Variants in FZD3 observed in about 807,000 individuals in gnomAD.
FZD3 encodes frizzled-3.
In FZD3, 30 loss-of-function variants were observed where a neutral mutation model predicts 60.7. That is an observed-to-expected ratio of 0.49 (90% confidence interval 0.37 to 0.67). The LOEUF (loss-of-function observed/expected upper bound fraction) is 0.67, where lower values mean the gene tolerates loss of function less well. Among genes scored for constraint, FZD3 ranks in the 30% least tolerant of loss-of-function variants. The pLI, the probability that FZD3 is intolerant of heterozygous loss-of-function variation, is 0.00. For synonymous variants in FZD3, 246 were observed against 275.2 expected (o/e 0.89, Z 1.05); for missense variants, 605 against 838.7 (o/e 0.72, Z 3.44).
rs751028612 is a variant in FZD3 at position 28,520,831 on chromosome 8, G to T, written c.383G>T (p.Ser128Ile). The change falls in exon 4 of 8, where the codon AGT (serine) becomes ATT (isoleucine). Residue 128 changes from serine to isoleucine, a missense_variant. Physicochemically the swap from Ser to Ile is moderately radical, Grantham distance 142 (BLOSUM62 -2). Transcript: ENST00000240093. ...CCTTGGCCTGAAGATATGGAATGCA[G>T]TAGGTGCGAAAATCATAGATTTTCA... ...GVPWPEDMEC[S>I]RFPDCDEPYP... 1 of 1,573,656 alleles carries T rather than the reference G, an allele frequency of 6.4e-7. No individual in the cohort carries two copies. The highest frequency in any genetic ancestry group is 8.7e-7 in the Non-Finnish European group (1 of 1,155,136).
chr8:28,503,297 A>C, intron 3 of FZD3, 95 bp downstream of exon 3: 1 of 629,378 alleles, frequency 1.6e-6, no homozygotes, highest in Non-Finnish European at 2.7e-6. Context: ...AACAACAGGA[A>C]AATAATATGC....
At position 28,571,708 on chromosome 8, in the gene FZD3, A is replaced by G. The variant is rs969760394; in HGVS notation, c.*8697A>G. 1.3e-5 allele frequency: 2 copies of G among 152,228 alleles called. No individual in the cohort carries two copies. Among genetic ancestry groups the G allele is most frequent in the Non-Finnish European group, 2.9e-5 (2 of 68,030 alleles). 9.4% of individuals were successfully genotyped at this position (152,228 alleles called of 1,614,324 possible). ...TATTTTCTCATTGAAGTGTAAAAGT[A>G]TCACATATATGAAGGAATGGCTGGT... On this transcript the variant is annotated 3_prime_UTR_variant, in exon 8 of 8. Coordinates refer to ENST00000240093, the MANE Select transcript of FZD3 (RefSeq NM_017412.4).
At chr8:28,518,117 G>T (rs912072490) in intron 3 of FZD3, among the ~76,000 whole-genome samples, 2 of 151,982 alleles carry the variant, frequency 1.3e-5, no homozygotes, top group Non-Finnish European at 2.9e-5. Flanking sequence ...GCTCACTGCA[G>T]CTTTGATCAT....
At chr8:28,504,543 AC>A (rs982482899) in intron 3 of FZD3, among the ~76,000 whole-genome samples, 2 of 152,214 alleles carry the variant, frequency 1.3e-5, no homozygotes, top group African/African-American at 4.8e-5. Flanking sequence ...CTTGGGTTCA[AC>A]TTTTGGCTCT....
chr8:28,559,161 C>G (rs866344710), intron 7 of FZD3, among the ~76,000 whole-genome samples: 1 of 152,204 alleles, frequency 6.6e-6, no homozygotes, highest in Admixed American at 6.5e-5. Flanking sequence ...CAGCCACTCT[C>G]ATCTGAATAG....
chr8:28,517,328 AT>A (rs1408710241), intron 3 of FZD3, among the ~76,000 whole-genome samples: 1 of 152,158 alleles, frequency 6.6e-6, no homozygotes, highest in African/African-American at 2.4e-5. Flanking sequence ...CTTGAAGGTA[AT>A]ATGTCTTTTT....
chr8:28,511,580 C>T (rs6984655), intron 3 of FZD3, among the ~76,000 whole-genome samples: 87,193 of 152,056 alleles, frequency 0.57, 25,193 homozygotes, highest in East Asian at 0.65. Context: ...CTTCTACTTA[C>T]TTAGCATTCC....
At chr8:28,555,690 C>G (rs1805495020) in intron 6 of FZD3, 48 bp from the exon 7 acceptor site, 1 of 1,049,648 alleles carries the variant, frequency 9.5e-7, no homozygotes, top group African/African-American at 1.6e-5. Flanking sequence ...GCTTATTGGT[C>G]TGAAGGAAGA....
intron 4 of FZD3, among the ~76,000 whole-genome samples, chr8:28,522,645 A>G (rs1804613542): frequency 6.6e-6 from 1 of 152,146 alleles, no homozygotes; most frequent in Non-Finnish European, 1.5e-5. Context: ...ATATATAAGC[A>G]TAGAAATCTC....
rs1805824822 is a variant in FZD3, at chr8:28,572,455, T to G, written c.*9444T>G. 6.6e-6 allele frequency: 1 copy of G among 152,192 alleles called. No individual in the cohort carries two copies. The highest frequency in any genetic ancestry group is 2.4e-5 in the African/African-American group (1 of 41,448). 9.4% of individuals were successfully genotyped at this position (152,192 alleles called of 1,614,324 possible). ...AGTTATCCTTTATTTTGTTGTTAAATTTCCCAGTTTTTAAAAGTGTTTTAT... is the reference window on the plus strand; with the variant it reads ...AGTTATCCTTTATTTTGTTGTTAAAGTTCCCAGTTTTTAAAAGTGTTTTAT... On this transcript the variant is annotated 3_prime_UTR_variant, in exon 8 of 8. Transcript: ENST00000240093.
At chr8:28,561,379 T>A (rs968811842) in intron 7 of FZD3, among the ~76,000 whole-genome samples, 14 of 152,056 alleles carry the variant, frequency 9.2e-5, no homozygotes, top group Non-Finnish European at 1.8e-4. Flanking sequence ...TAAAAAAAAA[T>A]TTTTTTCAAA....
At chr8:28,510,200 C>G (rs180821777) in intron 3 of FZD3, among the ~76,000 whole-genome samples, 2 of 152,072 alleles carry the variant, frequency 1.3e-5, no homozygotes, top group East Asian at 3.9e-4. Context: ...CTAAATTTTA[C>G]TCCATTGTAT....
chr8:28,531,874 T>C (rs1413332470), intron 5 of FZD3, among the ~76,000 whole-genome samples: 3 of 152,196 alleles, frequency 2.0e-5, no homozygotes, highest in African/African-American at 7.2e-5. Flanking sequence ...CTTTTCACTT[T>C]ATTTGTGCTT....
intron 5 of FZD3, among the ~76,000 whole-genome samples, chr8:28,532,863 T>A (rs1804914752): frequency 6.6e-6 from 1 of 152,222 alleles, no homozygotes; most frequent in South Asian, 2.1e-4. Flanking sequence ...CCAATTTCTA[T>A]ATTTCATGTA....
chr8:28,528,112 C>G lies in FZD3; in HGVS notation c.1352C>G (p.Thr451Arg), dbSNP rs1393858341. The change falls in exon 5 of 8, where the codon ACA (threonine) becomes AGA (arginine). Residue 451 changes from threonine (T) to arginine (R), a missense_variant. Physicochemically the swap from Thr to Arg is moderately conservative, Grantham distance 71 (BLOSUM62 -1). Coordinates refer to ENST00000240093, the MANE Select transcript of FZD3 (RefSeq NM_017412.4). ...YEQAYRGIWE[T>R]TWIQERCREY... ...CAAGCTTACCGGGGCATCTGGGAAA[C>G]AACGTGGATACAAGAACGCTGCAGA... 6 of 1,613,824 alleles carry G rather than the reference C, an allele frequency of 3.7e-6. No individual in the cohort carries two copies. Among genetic ancestry groups the G allele is most frequent in the Middle Eastern group, 1.7e-4 (1 of 6,058 alleles).
chr8:28,559,962 G>A (rs1805585205), intron 7 of FZD3, among the ~76,000 whole-genome samples: 1 of 152,178 alleles, frequency 6.6e-6, no homozygotes, highest in African/African-American at 2.4e-5. Flanking sequence ...ATATATGTCA[G>A]CTTCAAAGAA....
At chr8:28,536,434 G>C (rs1164862303) in intron 5 of FZD3, among the ~76,000 whole-genome samples, 2 of 152,180 alleles carry the variant, frequency 1.3e-5, no homozygotes, top group Non-Finnish European at 2.9e-5. Context: ...TAGTCCGGGC[G>C]CAGTGGCTCA....
rs186457395 is a variant in FZD3, at chr8:28,554,638, A to G, written c.1554-1100A>G. Among the ~76,000 whole-genome samples, 8 of 152,236 alleles carry G rather than the reference A, an allele frequency of 5.3e-5. No individual in the cohort carries two copies. The East Asian group carries it at 1.3e-3, about 26-fold the overall frequency. The stretch of plus-strand genomic sequence containing the variant: ...CAATATCTATTATTAATAGATATCC[A>G]ATATTCCCTTAGAAATACACTCTTA... On this transcript the variant is annotated intron_variant, in intron 6 of 7. Coordinates refer to ENST00000240093, the MANE Select transcript of FZD3 (RefSeq NM_017412.4).
At position 28,502,942 on chromosome 8, in the gene FZD3, G is replaced by C; in HGVS notation, c.-72G>C. 1 of 939,186 alleles carries C rather than the reference G, an allele frequency of 1.1e-6. No individual in the cohort carries two copies. Among genetic ancestry groups the C allele is most frequent in the Non-Finnish European group, 1.6e-6 (1 of 610,062 alleles). 58.2% of individuals were successfully genotyped at this position (939,186 alleles called of 1,614,324 possible). ...AAGAAGTACCTTCGAGCTGAGACCTGCAGGTGTATAAATATCTAAAATACA... is the reference window on the plus strand; with the variant it reads ...AAGAAGTACCTTCGAGCTGAGACCTCCAGGTGTATAAATATCTAAAATACA... On this transcript the variant is annotated 5_prime_UTR_variant, in exon 3 of 8. Coordinates refer to ENST00000240093, the MANE Select transcript of FZD3 (RefSeq NM_017412.4).
Sources: allele counts gnomAD v4.1 joint callset (sites outside exome capture counted in the v4.1 genomes callset), GRCh38; gene constraint gnomAD v4.1.1; transcripts MANE v1.5; gene names NCBI Gene and HGNC (gene_info 2026-07-23, HGNC 2026-07-21).